The following RBFOX1 variants were observed in gnomAD, a reference collection of about 807,000 sequenced individuals.
RBFOX1 encodes the protein RNA binding fox-1 homolog 1, also known as RNA binding protein fox-1 homolog 1.
RBFOX1 carries 8 observed loss-of-function variants against 57.7 expected under a neutral mutation model. The observed-to-expected ratio is 0.14, with a 90% CI of 0.08 to 0.25. RBFOX1 has a LOEUF of 0.25. Among genes scored for constraint, RBFOX1 ranks in the 10% least tolerant of loss-of-function variants. The pLI is 1.00. For missense variants in RBFOX1, 611 were observed against 548.5 expected (o/e 1.11, Z -1.14); for synonymous variants, 326 against 222.4 (o/e 1.47, Z -4.15).
At chr16:6,923,299 C>G (rs1009218263) in intron 3 of RBFOX1, among the ~76,000 whole-genome samples, 1 of 152,098 alleles carries the variant, frequency 6.6e-6, no homozygotes, top group Non-Finnish European at 1.5e-5. Context: ...TTTGGGATGC[C>G]AAGGCGGGAG....
intron 5 of RBFOX1, among the ~76,000 whole-genome samples, chr16:7,579,259 A>G (rs900748605): frequency 2.6e-5 from 4 of 152,182 alleles, no homozygotes; most frequent in African/African-American, 9.6e-5. Context: ...GTCTTTTCAC[A>G]TTTTTTACAT....
intron 12 of RBFOX1, among the ~76,000 whole-genome samples, chr16:7,659,021 T>A (rs2067027879): frequency 6.6e-6 from 1 of 152,244 alleles, no homozygotes; most frequent in South Asian, 2.1e-4. Flanking sequence ...CACCGCCCCC[T>A]GGCCATGTTT....
At chr16:5,254,018 G>C (rs1300535195) in intron 1 of RBFOX1, among the ~76,000 whole-genome samples, 1 of 152,150 alleles carries the variant, frequency 6.6e-6, no homozygotes, top group Non-Finnish European at 1.5e-5. Context: ...TCCTACTTCT[G>C]TGTGTGTCAT....
At chr16:6,392,143 G>T (rs2092632734) in intron 2 of RBFOX1, among the ~76,000 whole-genome samples, 1 of 152,184 alleles carries the variant, frequency 6.6e-6, no homozygotes, top group African/African-American at 2.4e-5. Context: ...AGGGAAACTG[G>T]GGTGAATGTC....
chr16:5,408,944 G>C (rs911409101), intron 1 of RBFOX1, among the ~76,000 whole-genome samples: 2 of 152,188 alleles, frequency 1.3e-5, no homozygotes, highest in East Asian at 3.8e-4. Context: ...CTCCCACCAG[G>C]CCCTACCTCT....
intron 3 of RBFOX1, among the ~76,000 whole-genome samples, chr16:6,673,026 G>A (rs1359907722): frequency 6.6e-6 from 1 of 152,160 alleles, no homozygotes; most frequent in Non-Finnish European, 1.5e-5. Context: ...AACCACAACA[G>A]GGGAAAGACA....
At chr16:7,405,048 G>A (rs1393530103) in intron 4 of RBFOX1, among the ~76,000 whole-genome samples, 2 of 152,212 alleles carry the variant, frequency 1.3e-5, no homozygotes, top group Non-Finnish European at 2.9e-5. Context: ...TAACGCATAA[G>A]GGTGTGTTTT....
intron 2 of RBFOX1, among the ~76,000 whole-genome samples, chr16:6,473,426 C>A (rs766419627): frequency 3.9e-5 from 6 of 152,028 alleles, no homozygotes; most frequent in Non-Finnish European, 8.8e-5. Context: ...ACTGACTCAC[C>A]CCCATTTCAT....
intron 1 of RBFOX1, among the ~76,000 whole-genome samples, chr16:6,161,528 A>G (rs1287338248): frequency 2.0e-5 from 3 of 152,220 alleles, no homozygotes; most frequent in Non-Finnish European, 4.4e-5. Flanking sequence ...AAAACCTCAT[A>G]GAATTTAACA....
intron 5 of RBFOX1, among the ~76,000 whole-genome samples, chr16:7,567,686 G>GGCCCTATATATATAT (rs2092212435): frequency 8.8e-6 from 1 of 113,378 alleles, no homozygotes; most frequent in Non-Finnish European, 1.8e-5. Context: ...GCCCTATATA[G>GGCCCTATATATATAT]ATATATATCC....
At chr16:5,827,348 C>G (rs1002374486) in intron 3 of RBFOX1, among the ~76,000 whole-genome samples, 11 of 140,326 alleles carry the variant, frequency 7.8e-5, no homozygotes, top group Admixed American at 5.9e-4. Flanking sequence ...TGCAGTGAGC[C>G]AAGATCGTGC....
chr16:6,336,085 C>G (rs1237363918), intron 2 of RBFOX1, among the ~76,000 whole-genome samples: 1 of 119,604 alleles, frequency 8.4e-6, no homozygotes, highest in South Asian at 3.0e-4. Context: ...AATGGAACAA[C>G]AAATGGATAC....
chr16:6,629,065 A>T (rs190268488), intron 2 of RBFOX1, among the ~76,000 whole-genome samples: 1 of 152,200 alleles, frequency 6.6e-6, no homozygotes, highest in East Asian at 1.9e-4. Context: ...TACTAAACCT[A>T]TGATTCCATG....
intron 4 of RBFOX1, among the ~76,000 whole-genome samples, chr16:6,010,931 A>G (rs552469840): frequency 1.2e-3 from 187 of 152,316 alleles, no homozygotes; most frequent in Non-Finnish European, 2.0e-3. Flanking sequence ...GAAGCACAGA[A>G]ATGTAAATTA....
intron 2 of RBFOX1, among the ~76,000 whole-genome samples, chr16:6,504,171 C>T (rs572508988): frequency 6.6e-6 from 1 of 152,292 alleles, no homozygotes; most frequent in South Asian, 2.1e-4. Context: ...GGATAAAGCA[C>T]CATGTATCTT....
chr16:6,829,481 TAA>T (rs35754742), intron 3 of RBFOX1, among the ~76,000 whole-genome samples: 3 of 135,636 alleles, frequency 2.2e-5, no homozygotes, highest in African/African-American at 8.0e-5. Flanking sequence ...ACTCAACCAT[TAA>T]AAAAAAAAAA....
chr16:7,568,357 G>T (rs1353248191), intron 5 of RBFOX1, among the ~76,000 whole-genome samples: 2 of 152,122 alleles, frequency 1.3e-5, no homozygotes, highest in African/African-American at 4.8e-5. Flanking sequence ...GACCACATAG[G>T]GTAACCTCCT....
intron 1 of RBFOX1, among the ~76,000 whole-genome samples, chr16:6,216,937 A>C (rs1027639888): frequency 2.0e-5 from 3 of 150,476 alleles, no homozygotes; most frequent in Non-Finnish European, 1.5e-5. Context: ...TGTTCTTTCT[A>C]CTTTTCTTCT....
At chr16:7,538,594 A>T (rs1247319943) in intron 5 of RBFOX1, among the ~76,000 whole-genome samples, 2 of 152,232 alleles carry the variant, frequency 1.3e-5, no homozygotes, top group Non-Finnish European at 2.9e-5. Context: ...GGAGAGAGAG[A>T]TGGAAACAAA....
Sources: gnomAD v4.1 joint callset for allele counts (sites outside exome capture counted in the v4.1 genomes callset) on GRCh38, gnomAD v4.1.1 for gene constraint, MANE v1.5 for transcripts, NCBI Gene and HGNC (gene_info 2026-07-23, HGNC 2026-07-21) for gene names.